The following DNAJC6 variants were observed in gnomAD, a reference collection of about 807,000 sequenced individuals.
DNAJC6 encodes the protein DnaJ heat shock protein family (Hsp40) member C6, also known as auxilin.
In DNAJC6, 34 loss-of-function variants were observed where a neutral mutation model predicts 110.0. The observed-to-expected ratio is 0.31, with a 90% confidence interval of 0.24 to 0.41. The LOEUF (loss-of-function observed/expected upper bound fraction) is 0.41. Among genes scored for constraint, DNAJC6 ranks in the 10% least tolerant of loss-of-function variants. DNAJC6 has a pLI of 1.00. For synonymous variants in DNAJC6, 406 were observed against 437.2 expected (o/e 0.93, Z 0.89); for missense variants, 1,031 against 1,207.8 (o/e 0.85, Z 2.17).
intron 8 of DNAJC6, among the ~76,000 whole-genome samples, chr1:65,387,471 C>T (rs766335445): frequency 6.6e-6 from 1 of 152,210 alleles, no homozygotes; most frequent in Admixed American, 6.5e-5. Context: ...TCTCCTCCAT[C>T]TCCTGGTAAC....
chr1:65,296,303 G>A (rs1206851206), intron 1 of DNAJC6, among the ~76,000 whole-genome samples: 3 of 152,152 alleles, frequency 2.0e-5, no homozygotes, highest in African/African-American at 7.2e-5. Context: ...ATTGCAATAG[G>A]CTACAAATCT....
intron 1 of DNAJC6, among the ~76,000 whole-genome samples, chr1:65,342,398 A>G (rs1290055792): frequency 1.3e-5 from 2 of 152,190 alleles, no homozygotes; most frequent in Non-Finnish European, 2.9e-5. Context: ...AGAGGGCCCC[A>G]GAGAACTTGC....
intron 4 of DNAJC6, among the ~76,000 whole-genome samples, chr1:65,369,670 CATGATGATT>C (rs1645687218): frequency 6.6e-6 from 1 of 152,118 alleles, no homozygotes; most frequent in African/African-American, 2.4e-5. Context: ...AGTCATTTTA[CATGATGATT>C]ATGTGATTGT....
chr1:65,412,377 G>C (rs992897530), intron 18 of DNAJC6, among the ~76,000 whole-genome samples: 2 of 152,172 alleles, frequency 1.3e-5, no homozygotes, highest in African/African-American at 4.8e-5. Flanking sequence ...TGATCGAAGT[G>C]CCACTTGGGA....
intron 9 of DNAJC6, 69 bp downstream of exon 9, chr1:65,388,484 C>A: frequency 7.1e-7 from 1 of 1,412,604 alleles, no homozygotes; most frequent in Non-Finnish European, 1.0e-6. Flanking sequence ...CTCAATGGCA[C>A]CAGGCTGTAG....
chr1:65,274,461 C>T (rs1749966), intron 1 of DNAJC6, among the ~76,000 whole-genome samples: 110,574 of 152,012 alleles, frequency 0.73, 41,399 homozygotes, highest in East Asian at 0.98. Flanking sequence ...GGACTACAGG[C>T]GTGTGCCACC....
At chr1:65,320,693 C>T (rs935933953) in intron 1 of DNAJC6, among the ~76,000 whole-genome samples, 1 of 152,126 alleles carries the variant, frequency 6.6e-6, no homozygotes, top group African/African-American at 2.4e-5. Flanking sequence ...AAGACCTTGG[C>T]ACTTATGAGT....
At chr1:65,280,655 G>A (rs1653814756) in intron 1 of DNAJC6, among the ~76,000 whole-genome samples, 1 of 152,102 alleles carries the variant, frequency 6.6e-6, no homozygotes, top group Non-Finnish European at 1.5e-5. Flanking sequence ...AAGTAATGAG[G>A]CAACTAGGTG....
intron 16 of DNAJC6, among the ~76,000 whole-genome samples, chr1:65,407,233 G>C (rs1309148961): frequency 6.6e-6 from 1 of 151,944 alleles, no homozygotes; most frequent in Admixed American, 6.6e-5. Context: ...TACTTACTTA[G>C]TAGCCATCTC....
Position 65,391,661 on chromosome 1 carries a change from G to T in DNAJC6, c.1469-770G>T, listed in dbSNP as rs528422837. Among the ~76,000 whole-genome samples, 75 of 149,996 alleles carry T rather than the reference G, an allele frequency of 5.0e-4. 2 individuals are homozygous for T. The South Asian group carries it at 0.015, about 31-fold the overall frequency. On this transcript the variant is annotated intron_variant, in intron 11 of 18. Coordinates refer to ENST00000371069, the MANE Select transcript of DNAJC6 (RefSeq NM_001256864.2). The stretch of plus-strand genomic sequence containing the variant: ...GATAATGGTTTGTACTACCCTCCCC[G>T]GCCAAAGCACCTAGCATAGTGCCTG...
At chr1:65,329,005 T>C (rs1165757047) in intron 1 of DNAJC6, among the ~76,000 whole-genome samples, 1 of 152,216 alleles carries the variant, frequency 6.6e-6, no homozygotes, top group Non-Finnish European at 1.5e-5. Context: ...TTCCTCTTTG[T>C]GGCACTTTTC....
intron 1 of DNAJC6, among the ~76,000 whole-genome samples, chr1:65,324,790 T>C (rs947686091): frequency 6.6e-6 from 1 of 152,188 alleles, no homozygotes; most frequent in African/African-American, 2.4e-5. Flanking sequence ...GTTGACACAA[T>C]AGTGGGGGGA....
At chr1:65,290,624 T>G (rs1390645806) in intron 1 of DNAJC6, among the ~76,000 whole-genome samples, 2 of 152,238 alleles carry the variant, frequency 1.3e-5, no homozygotes, top group Admixed American at 6.5e-5. Flanking sequence ...GTTAGCATTT[T>G]TTGTTGTTGT....
At chr1:65,400,535 A>C (rs1429511657) in intron 14 of DNAJC6, among the ~76,000 whole-genome samples, 4 of 152,090 alleles carry the variant, frequency 2.6e-5, no homozygotes, top group Non-Finnish European at 4.4e-5. Flanking sequence ...CTTTATTTCT[A>C]TGAGACCAAC....
At chr1:65,379,326 G>T in intron 4 of DNAJC6, 76 bp from the exon 5 acceptor site, 1 of 1,567,136 alleles carries the variant, frequency 6.4e-7, no homozygotes. Flanking sequence ...TCCAGAAGAT[G>T]TTGGTTGGTG....
intron 1 of DNAJC6, among the ~76,000 whole-genome samples, chr1:65,272,159 T>A (rs1653527845): frequency 6.6e-6 from 1 of 152,212 alleles, no homozygotes; most frequent in Admixed American, 6.5e-5. Flanking sequence ...AGCTATCACA[T>A]TTTCACCATT....
chr1:65,346,775 G>C (rs1645440742), intron 1 of DNAJC6, among the ~76,000 whole-genome samples: 1 of 151,882 alleles, frequency 6.6e-6, no homozygotes, highest in Admixed American at 6.6e-5. Context: ...CTTAACCTTT[G>C]CTTGCTCTCC....
At chr1:65,371,996 T>TTA (rs1645710747) in intron 4 of DNAJC6, among the ~76,000 whole-genome samples, 2 of 152,202 alleles carry the variant, frequency 1.3e-5, no homozygotes, top group Admixed American at 6.5e-5. Flanking sequence ...TGGTGTATAA[T>TTA]TATATATCAA....
intron 1 of DNAJC6, among the ~76,000 whole-genome samples, chr1:65,292,679 C>A (rs1406734202): frequency 6.6e-6 from 1 of 152,112 alleles, no homozygotes; most frequent in African/African-American, 2.4e-5. Flanking sequence ...AAGTGATCCT[C>A]CTGCCTTGGC....
Sources: allele counts gnomAD v4.1 joint callset (sites outside exome capture counted in the v4.1 genomes callset), GRCh38; gene constraint gnomAD v4.1.1; transcripts MANE v1.5; gene names NCBI Gene and HGNC (gene_info 2026-07-23, HGNC 2026-07-21).